Variants in PDE10A observed in about 807,000 individuals in gnomAD.
PDE10A encodes phosphodiesterase 10A.
A neutral mutation model predicts 97.7 loss-of-function variants in PDE10A; 39 were observed. That is an observed-to-expected ratio of 0.40 (90% CI 0.31 to 0.52). The LOEUF is 0.52. PDE10A is among the 20% of genes least tolerant of loss of function. The pLI is 0.56. For missense variants in PDE10A, 731 were observed against 1,047.8 expected (o/e 0.70, Z 4.17); for synonymous variants, 371 against 376.8 (o/e 0.98, Z 0.18).
At position 165,953,258 on chromosome 6, in the gene PDE10A, A is replaced by C. The variant is rs1357542027; in HGVS notation, c.-615+34271T>G. Among the ~76,000 whole-genome samples, 6 of 152,332 alleles carry C rather than the reference A, an allele frequency of 3.9e-5. No individual in the cohort carries two copies. The East Asian group carries it at 1.2e-3, about 29-fold the overall frequency. ...TTCTAAAATAGTAATATTTATTACC[A>C]AAAGAAATAAAAGAAATTTGAGGGC... On this transcript the variant is annotated intron_variant, in intron 1 of 19. Transcript: ENST00000366882.
chr6:165,632,888 C>T (rs776359004), intron 1 of PDE10A, among the ~76,000 whole-genome samples: 27 of 152,042 alleles, frequency 1.8e-4, no homozygotes, highest in Non-Finnish European at 3.2e-4. Flanking sequence ...CCAAGAATTA[C>T]GCAGATTTGC....
chr6:165,565,852 T>C (rs1000500045), intron 1 of PDE10A, among the ~76,000 whole-genome samples: 2 of 152,196 alleles, frequency 1.3e-5, no homozygotes, highest in Non-Finnish European at 2.9e-5. Flanking sequence ...TTTCAACAAA[T>C]AGTGTCAGGA....
chr6:165,952,858 GAA>G (rs34273396), intron 1 of PDE10A, among the ~76,000 whole-genome samples: 3,812 of 148,592 alleles, frequency 0.026, 158 homozygotes, highest in African/African-American at 0.088. Context: ...TTTTATAAGA[GAA>G]AAAAAAAAAA....
chr6:165,570,354 A>G (rs1784993142), intron 1 of PDE10A, among the ~76,000 whole-genome samples: 1 of 152,222 alleles, frequency 6.6e-6, no homozygotes, highest in Non-Finnish European at 1.5e-5. Context: ...CATGTTCCTA[A>G]TGCTTAAATT....
chr6:165,436,685 T>C (rs1329523502), intron 5 of PDE10A, among the ~76,000 whole-genome samples: 1 of 152,182 alleles, frequency 6.6e-6, no homozygotes, highest in African/African-American at 2.4e-5. Context: ...AAATAGAAAG[T>C]ATACACTTAT....
intron 1 of PDE10A, among the ~76,000 whole-genome samples, chr6:165,927,342 C>G (rs1377529158): frequency 6.6e-6 from 1 of 151,938 alleles, no homozygotes; most frequent in African/African-American, 2.4e-5. Flanking sequence ...GCCTAAAAGC[C>G]AACAACAGAT....
intron 3 of PDE10A, among the ~76,000 whole-genome samples, chr6:165,480,672 C>A (rs567202025): frequency 3.2e-3 from 489 of 152,250 alleles, no homozygotes; most frequent in Non-Finnish European, 5.9e-3. Context: ...GTGTAACCAG[C>A]ACCTTTAGTG....
chr6:165,481,957 C>T (rs571830031), intron 3 of PDE10A, among the ~76,000 whole-genome samples: 1 of 152,284 alleles, frequency 6.6e-6, no homozygotes, highest in Admixed American at 6.5e-5. Context: ...CTTCCGCTTC[C>T]CACCCTGGGA....
intron 1 of PDE10A, among the ~76,000 whole-genome samples, chr6:165,832,606 C>T (rs1210151993): frequency 1.3e-5 from 2 of 152,170 alleles, no homozygotes; most frequent in African/African-American, 4.8e-5. Flanking sequence ...CTCCGTGGCC[C>T]TAAACAACCC....
intron 18 of PDE10A, among the ~76,000 whole-genome samples, chr6:165,370,095 G>C (rs992715116): frequency 3.9e-5 from 6 of 152,056 alleles, no homozygotes; most frequent in Admixed American, 6.6e-5. Flanking sequence ...AACATGGAAA[G>C]GAACAACCGG....
At chr6:165,485,237 C>A (rs950154884) in intron 2 of PDE10A, among the ~76,000 whole-genome samples, 6 of 151,932 alleles carry the variant, frequency 3.9e-5, no homozygotes, top group African/African-American at 1.2e-4. Flanking sequence ...TTTGAGAGGC[C>A]GAGGCGGATG....
intron 2 of PDE10A, among the ~76,000 whole-genome samples, chr6:165,503,674 G>C (rs1284020442): frequency 2.0e-5 from 3 of 152,156 alleles, no homozygotes; most frequent in Non-Finnish European, 4.4e-5. Context: ...AGAAAAGTTA[G>C]AAAGAAGCCA....
At chr6:165,874,037 C>A (rs1026529768) in intron 1 of PDE10A, among the ~76,000 whole-genome samples, 4 of 152,124 alleles carry the variant, frequency 2.6e-5, no homozygotes, top group African/African-American at 9.7e-5. Flanking sequence ...TCCCAGCAAA[C>A]AACATTTTGT....
At chr6:165,615,377 A>G (rs1204669194) in intron 1 of PDE10A, among the ~76,000 whole-genome samples, 5 of 152,168 alleles carry the variant, frequency 3.3e-5, no homozygotes, top group Admixed American at 3.3e-4. Context: ...CTAGAAACAC[A>G]TTTTATTCAG....
chr6:165,942,282 A>G (rs1006505510), intron 1 of PDE10A, among the ~76,000 whole-genome samples: 4 of 126,090 alleles, frequency 3.2e-5, no homozygotes, highest in East Asian at 2.1e-4. Context: ...ATATGTATGT[A>G]TGTGTGTGTA....
At chr6:165,865,558 G>C (rs1389481664) in intron 1 of PDE10A, among the ~76,000 whole-genome samples, 2 of 152,098 alleles carry the variant, frequency 1.3e-5, no homozygotes, top group Non-Finnish European at 2.9e-5. Context: ...ATCATGATCT[G>C]AATTAGAAAT....
intron 13 of PDE10A, among the ~76,000 whole-genome samples, chr6:165,411,105 A>G (rs1265805562): frequency 7.4e-5 from 11 of 148,990 alleles, no homozygotes; most frequent in South Asian, 2.1e-4. Context: ...AAAAAAAAAA[A>G]AAAAGAAATA....
intron 5 of PDE10A, among the ~76,000 whole-genome samples, chr6:165,440,332 A>G (rs1471957485): frequency 6.6e-6 from 1 of 152,260 alleles, no homozygotes; most frequent in African/African-American, 2.4e-5. Flanking sequence ...TGTTTAATGT[A>G]TACATACTGA....
At chr6:165,814,671 C>T (rs556775911) in intron 1 of PDE10A, among the ~76,000 whole-genome samples, 1 of 152,210 alleles carries the variant, frequency 6.6e-6, no homozygotes, top group Non-Finnish European at 1.5e-5. Context: ...AGTCACATTC[C>T]TCAATTTGGT....
Sources: gnomAD v4.1 joint callset for allele counts (sites outside exome capture counted in the v4.1 genomes callset) on GRCh38, gnomAD v4.1.1 for gene constraint, MANE v1.5 for transcripts, NCBI Gene and HGNC (gene_info 2026-07-23, HGNC 2026-07-21) for gene names.